The following C9 variants were observed in gnomAD, a reference collection of about 807,000 sequenced individuals.
C9 encodes complement C9.
C9 carries 63 observed loss-of-function variants against 65.4 expected under a neutral mutation model. The ratio of observed to expected loss-of-function variants is 0.96; its 90% confidence interval spans 0.79 to 1.19. C9 has a LOEUF of 1.19. Among genes scored for constraint, C9 ranks in the 50% most tolerant of loss-of-function variants. C9 has a pLI of 0.00. For synonymous variants in C9, 229 were observed against 227.9 expected, an observed-to-expected ratio of 1.00 and a Z score of -0.04; for missense variants, 744 against 670.1, an observed-to-expected ratio of 1.11 and a Z score of -1.22.
chr5:39,340,027 C>G (rs1173941706), intron 4 of C9, among the ~76,000 whole-genome samples: 1 of 152,156 alleles, frequency 6.6e-6, no homozygotes, highest in African/African-American at 2.4e-5. Context: ...ACCAGCCTTG[C>G]TCTTACCATC....
intron 4 of C9, among the ~76,000 whole-genome samples, chr5:39,334,994 G>A (rs1451793595): frequency 9.7e-5 from 14 of 145,072 alleles, no homozygotes; most frequent in South Asian, 2.2e-4. Context: ...TCTGCCTTGG[G>A]AAAAAAAAAA....
chr5:39,319,550 T>A (rs1006207875), intron 5 of C9, among the ~76,000 whole-genome samples: 1 of 152,132 alleles, frequency 6.6e-6, no homozygotes, highest in East Asian at 1.9e-4. Flanking sequence ...TCAGGCCAGC[T>A]TCCATGACCT....
At chr5:39,289,865 T>A (rs914867328) in intron 9 of C9, among the ~76,000 whole-genome samples, 1 of 151,778 alleles carries the variant, frequency 6.6e-6, no homozygotes, top group Admixed American at 6.6e-5. Context: ...AGGGAAAAAA[T>A]TTCCTGAGCC....
chr5:39,359,102 G>GTATA (rs1157807681), intron 1 of C9, among the ~76,000 whole-genome samples: 2,360 of 103,580 alleles, frequency 0.023, 131 homozygotes, highest in African/African-American at 0.083. Context: ...GTGTGTGTGT[G>GTATA]TATATATATA....
At position 39,337,680 on chromosome 5, in the gene C9, AGCTGGCT is replaced by A. The variant is rs1239445668; in HGVS notation, c.476+3459_476+3465del. Among the ~76,000 whole-genome samples the A allele has an allele frequency of 6.6e-5, 10 of 152,374 alleles. No homozygotes were observed. The East Asian group carries it at 1.9e-3, about 29-fold the overall frequency. On this transcript the variant is annotated intron_variant, in intron 4 of 10. Transcript: ENST00000263408. The stretch of plus-strand genomic sequence containing the variant: ...AAATAATTCCTTGCATATCACTTAC[AGCTGGCT>A]GGATGTATGCCTTTTCAATGAATGC...
intron 9 of C9, among the ~76,000 whole-genome samples, chr5:39,304,854 A>G (rs1254981909): frequency 6.6e-6 from 1 of 152,194 alleles, no homozygotes; most frequent in Non-Finnish European, 1.5e-5. Context: ...CTGCACCAAC[A>G]AAGTTGATGA....
chr5:39,315,714 C>T (rs1753556547), intron 6 of C9, 61 bp downstream of exon 6: 1 of 1,236,724 alleles, frequency 8.1e-7, no homozygotes, highest in Non-Finnish European at 1.2e-6. Flanking sequence ...GCTCAAAATA[C>T]TTAAAGAGTC....
At chr5:39,353,443 A>G (rs1225246719) in intron 1 of C9, among the ~76,000 whole-genome samples, 1 of 152,204 alleles carries the variant, frequency 6.6e-6, no homozygotes, top group African/African-American at 2.4e-5. Context: ...TACACTGAAC[A>G]TTAAAATTTC....
At chr5:39,337,600 G>A (rs1451523486) in intron 4 of C9, among the ~76,000 whole-genome samples, 1 of 152,250 alleles carries the variant, frequency 6.6e-6, no homozygotes, top group Non-Finnish European at 1.5e-5. Flanking sequence ...AATTTACCAG[G>A]TGAACTGAAG....
chr5:39,293,001 C>T (rs1269546932), intron 9 of C9, among the ~76,000 whole-genome samples: 1 of 151,496 alleles, frequency 6.6e-6, no homozygotes, highest in Non-Finnish European at 1.5e-5. Context: ...CAAGATTTAA[C>T]TGAAATGTTA....
intron 5 of C9, among the ~76,000 whole-genome samples, chr5:39,316,272 C>T (rs1753568104): frequency 1.3e-5 from 2 of 152,184 alleles, no homozygotes; most frequent in East Asian, 3.8e-4. Context: ...GGATATTCAT[C>T]ATACCTAGCA....
At chr5:39,285,500 T>C (rs1012975550) in intron 10 of C9, among the ~76,000 whole-genome samples, 4 of 152,112 alleles carry the variant, frequency 2.6e-5, no homozygotes, top group African/African-American at 9.7e-5. Context: ...AACTGATTCC[T>C]GGAGAAATTG....
intron 10 of C9, 119 bp from the exon 11 acceptor site, chr5:39,285,352 A>AG (rs1752972555): frequency 5.1e-6 from 4 of 782,864 alleles, no homozygotes; most frequent in Non-Finnish European, 9.2e-6. Flanking sequence ...CATACTGTCT[A>AG]GGTACTGGGA....
chr5:39,300,273 A>G (rs770709406), intron 9 of C9, among the ~76,000 whole-genome samples: 1 of 152,084 alleles, frequency 6.6e-6, no homozygotes, highest in African/African-American at 2.4e-5. Context: ...TTAGCTGTGC[A>G]TGGTGGCAAG....
At chr5:39,350,139 C>G (rs1754295664) in intron 1 of C9, among the ~76,000 whole-genome samples, 1 of 152,152 alleles carries the variant, frequency 6.6e-6, no homozygotes, top group Non-Finnish European at 1.5e-5. Flanking sequence ...GAAGGGTAAG[C>G]AAGTACATCT....
chr5:39,356,919 A>G (rs1429498660), intron 1 of C9, among the ~76,000 whole-genome samples: 1 of 152,190 alleles, frequency 6.6e-6, no homozygotes, highest in East Asian at 1.9e-4. Flanking sequence ...GTATTTGTAA[A>G]GCACTTTCTG....
At chr5:39,349,389 C>T (rs835206) in intron 1 of C9, among the ~76,000 whole-genome samples, 3,140 of 152,270 alleles carry the variant, frequency 0.021, 116 homozygotes, top group African/African-American at 0.072. Flanking sequence ...AAATCATGCA[C>T]CATCCCTGAT....
chr5:39,339,490 T>C (rs1754029974), intron 4 of C9, among the ~76,000 whole-genome samples: 1 of 152,082 alleles, frequency 6.6e-6, no homozygotes, highest in African/African-American at 2.4e-5. Context: ...CTAGTAACTT[T>C]GTGTAGGGTT....
chr5:39,344,594 C>T (rs1440723643), intron 1 of C9, among the ~76,000 whole-genome samples: 1 of 152,218 alleles, frequency 6.6e-6, no homozygotes, highest in South Asian at 2.1e-4. Context: ...TTGGAAAACA[C>T]TCTGCAGGAT....
Sources: gnomAD v4.1 joint callset for allele counts (sites outside exome capture counted in the v4.1 genomes callset) on GRCh38, gnomAD v4.1.1 for gene constraint, MANE v1.5 for transcripts, NCBI Gene and HGNC (gene_info 2026-07-23, HGNC 2026-07-21) for gene names.